Variants in CEP85 observed in about 807,000 individuals in gnomAD.
CEP85 encodes the protein centrosomal protein 85.
Under a neutral mutation model 93.7 loss-of-function variants are expected in CEP85, and 58 were observed. The observed-to-expected ratio is 0.62, with a 90% CI of 0.50 to 0.77. CEP85 has a LOEUF of 0.77. Among genes scored for constraint, CEP85 ranks in the 30% least tolerant of loss-of-function variants. The probability of loss-of-function intolerance (pLI) is 0.00; values close to 1 mark genes in which losing one functional copy is unlikely to be tolerated. For synonymous variants in CEP85, 314 were observed against 338.6 expected (o/e 0.93, Z 0.80); for missense variants, 868 against 922.0 (o/e 0.94, Z 0.76).
At position 26,255,791 on chromosome 1, in the gene CEP85, C is replaced by A. The variant is rs781186845; in HGVS notation, c.829C>A (p.Arg277=). 1 of 1,613,988 alleles carries A rather than the reference C, an allele frequency of 6.2e-7. No homozygotes were observed. Among genetic ancestry groups the A allele is most frequent in the African/African-American group, 1.3e-5 (1 of 74,904 alleles). ...WQPSPDTWHP[R]EQSCELSTCR... ...GCCGAGTCCTGACACTTGGCATCCCCGAGAGCAATCTTGTGAACTCAGCAC... is the reference window on the plus strand; with the variant it reads ...GCCGAGTCCTGACACTTGGCATCCCAGAGAGCAATCTTGTGAACTCAGCAC... The change falls in exon 4 of 14, where the codon CGA becomes AGA. Residue 277 remains arginine, a synonymous_variant. Transcript: ENST00000451429.
rs180781557 is a variant in CEP85 at position 26,257,680 on chromosome 1, C to T, written c.987C>T (p.Ile329=). ...PILEPAQWIS[I]LNSNEHLLKE... ...TAGAGCCAGCACAGTGGATCAGCAT[C>T]TTGAACAGTAATGAACACCTTCTGA... Residue 329 remains isoleucine (I), a synonymous_variant, in exon 5 of 14, where the codon ATC becomes ATT. Coordinates refer to ENST00000451429, the MANE Select transcript of CEP85 (RefSeq NM_001319944.2). 14 of 1,614,180 alleles carry T rather than the reference C, an allele frequency of 8.7e-6. No individual in the cohort carries two copies. In the African/African-American group the frequency reaches 1.1e-4, roughly 12 times the overall value.
chr1:26,255,846 T>C lies in CEP85; in HGVS notation c.884T>C (p.Leu295Ser), dbSNP rs1355814678. ...TCRQQLELIR[L>S]QMEQMQLQNG... ...CGGCAGCAGCTGGAATTGATTCGTT[T>C]ACAGATGGAGCAAATGCAGGTAGAG... The change falls in exon 4 of 14, where the codon TTA (leucine) becomes TCA (serine). Residue 295 changes from leucine (L) to serine (S), a missense_variant. Physicochemically the swap from Leu to Ser is moderately radical, Grantham distance 145. Coordinates refer to ENST00000451429, the MANE Select transcript of CEP85 (RefSeq NM_001319944.2). 7 of 1,609,938 alleles carry C rather than the reference T, an allele frequency of 4.3e-6. No individual in the cohort carries two copies. Among genetic ancestry groups the C allele is most frequent in the Non-Finnish European group, 5.9e-6 (7 of 1,176,980 alleles).
chr1:26,239,335 T>A (rs2089382409), intron 1 of CEP85, among the ~76,000 whole-genome samples: 1 of 152,170 alleles, frequency 6.6e-6, no homozygotes, highest in Non-Finnish European at 1.5e-5. Flanking sequence ...GAATATAACA[T>A]TTAGAATACT....
intron 7 of CEP85, 50 bp downstream of exon 7, chr1:26,259,852 C>A (rs2089779698): frequency 1.3e-6 from 2 of 1,484,464 alleles, no homozygotes; most frequent in Non-Finnish European, 1.8e-6. Context: ...TGGCAGTCAG[C>A]TGTCTACTCT....
At position 26,276,803 on chromosome 1, in the gene CEP85, T is replaced by C. The variant is rs199847146; in HGVS notation, c.2128+43T>C. On this transcript the variant is annotated intron_variant, in intron 13 of 13. Transcript: ENST00000451429. Reference sequence around the variant, plus strand: ...TCTGGGGCCCAGGAAGGAGGGTCCTTCTTTCTCTTCTCTCCCCCATCCTGC... The same window carrying C: ...TCTGGGGCCCAGGAAGGAGGGTCCTCCTTTCTCTTCTCTCCCCCATCCTGC... 5.1e-6 allele frequency: 7 copies of C among 1,359,982 alleles called. No individual in the cohort carries two copies. In the Admixed American group the frequency reaches 7.5e-5, roughly 15 times the overall value. 84.2% of individuals were successfully genotyped at this position (1,359,982 alleles called of 1,614,324 possible).
intron 3 of CEP85, among the ~76,000 whole-genome samples, chr1:26,251,078 G>A (rs2089605910): frequency 6.6e-6 from 1 of 150,712 alleles, no homozygotes. Flanking sequence ...GAGTAGCTGG[G>A]ATTACAGGCA....
chr1:26,237,705 C>A (rs2089347916), intron 1 of CEP85, among the ~76,000 whole-genome samples: 1 of 152,112 alleles, frequency 6.6e-6, no homozygotes, highest in African/African-American at 2.4e-5. Context: ...TGGGTGTATA[C>A]TTCAGTGTGG....
At chr1:26,248,985 C>A in intron 3 of CEP85, among the ~76,000 whole-genome samples, 1 of 152,182 alleles carries the variant, frequency 6.6e-6, no homozygotes, top group East Asian at 1.9e-4. Context: ...CTCGGCTTCT[C>A]AAAGTGCTGG....
intron 7 of CEP85, among the ~76,000 whole-genome samples, chr1:26,262,002 C>G (rs748065542): frequency 9.2e-5 from 14 of 151,892 alleles, no homozygotes; most frequent in Non-Finnish European, 1.9e-4. Flanking sequence ...GAAACCCTCT[C>G]TGTACTAAAA....
At chr1:26,237,641 T>C (rs2089346931) in intron 1 of CEP85, among the ~76,000 whole-genome samples, 1 of 152,254 alleles carries the variant, frequency 6.6e-6, no homozygotes, top group Admixed American at 6.5e-5. Context: ...TAAATAATGC[T>C]GCTACGAACA....
intron 3 of CEP85, 88 bp downstream of exon 3, chr1:26,244,406 A>G: frequency 2.5e-6 from 3 of 1,189,900 alleles, no homozygotes; most frequent in Non-Finnish European, 3.7e-6. Context: ...AGATTGTGTT[A>G]TTTCCAGAAT....
chr1:26,238,439 G>A (rs1162170417), intron 1 of CEP85, among the ~76,000 whole-genome samples: 1 of 151,590 alleles, frequency 6.6e-6, no homozygotes, highest in African/African-American at 2.4e-5. Context: ...CAGGTGATCC[G>A]CCTGCCTCGG....
intron 10 of CEP85, 44 bp from the exon 11 acceptor site, chr1:26,271,977 T>C: frequency 6.2e-7 from 1 of 1,601,962 alleles, no homozygotes; most frequent in Non-Finnish European, 8.5e-7. Context: ...GTCCTCACCG[T>C]CAGCCTTGTG....
chr1:26,268,809 G>T (rs1349439275), intron 8 of CEP85, among the ~76,000 whole-genome samples, 174 bp downstream of exon 8: 1 of 152,136 alleles, frequency 6.6e-6, no homozygotes, highest in Non-Finnish European at 1.5e-5. Flanking sequence ...ATTTTTTGAG[G>T]TACCCAGACA....
chr1:26,255,003 G>C (rs1374054305), intron 3 of CEP85, among the ~76,000 whole-genome samples, 168 bp from the exon 4 acceptor site: 2 of 152,094 alleles, frequency 1.3e-5, no homozygotes, highest in Admixed American at 6.6e-5. Flanking sequence ...TGAGATCCTG[G>C]AACATACATC....
rs749295994 is a variant in CEP85 at position 26,276,706 on chromosome 1, A to G, written c.2074A>G (p.Thr692Ala). ...TCTGCAGGCTGTCTGTAGCATTGTGACCCAGAGGGCCCAGGGCCATGACCC... is the reference window on the plus strand; with the variant it reads ...TCTGCAGGCTGTCTGTAGCATTGTGGCCCAGAGGGCCCAGGGCCATGACCC... ...QDLQAVCSIV[T>A]QRAQGHDPNL... The change falls in exon 13 of 14, where the codon ACC becomes GCC. Residue 692 changes from threonine (T) to alanine (A), a missense_variant. Thr to Ala is a moderately conservative substitution (Grantham distance 58, BLOSUM62 0). Coordinates refer to ENST00000451429, the MANE Select transcript of CEP85 (RefSeq NM_001319944.2). The G allele has an allele frequency of 1.4e-5, 23 of 1,613,936 alleles. No individual in the cohort carries two copies. The Admixed American group carries it at 2.8e-4, about 20-fold the overall frequency.
chr1:26,241,643 A>G (rs938746407), intron 2 of CEP85, among the ~76,000 whole-genome samples: 5 of 152,200 alleles, frequency 3.3e-5, no homozygotes, highest in East Asian at 1.9e-4. Context: ...TTTTGGAACA[A>G]TGCCTTTCCT....
Position 26,269,551 on chromosome 1 carries a change from A to T in CEP85, c.1586A>T (p.Glu529Val), listed in dbSNP as rs2089941736. The T allele has an allele frequency of 6.2e-7, 1 of 1,613,946 alleles. No homozygotes were observed. Among genetic ancestry groups the T allele is most frequent in the Non-Finnish European group, 8.5e-7 (1 of 1,179,972 alleles). The change falls in exon 9 of 14, where the codon GAG becomes GTG. Residue 529 changes from glutamate (E) to valine (V), a missense_variant. Glu to Val is a moderately radical substitution (Grantham distance 121). Coordinates refer to ENST00000451429, the MANE Select transcript of CEP85 (RefSeq NM_001319944.2). Reference sequence around the variant, plus strand: ...GAGGAGACCCAGGCAATCTGCAGAGAGAAGGAGATTCAACTGGAAAGCCTG... The same window carrying T: ...GAGGAGACCCAGGCAATCTGCAGAGTGAAGGAGATTCAACTGGAAAGCCTG... Reference protein sequence around the residue: ...LLEETQAICREKEIQLESLRQ... With the variant: ...LLEETQAICRVKEIQLESLRQ...
In CEP85 at chr1:26,252,389, G is replaced by A. The variant is rs748927448; in HGVS notation, c.209-2782G>A. On this transcript the variant is annotated intron_variant, in intron 3 of 13. Transcript: ENST00000451429. ...CTCTACTAAAAATACAAAATTAGCCGGGCGTGGTGGAGCATGCCTTTAATC... is the reference window on the plus strand; with the variant it reads ...CTCTACTAAAAATACAAAATTAGCCAGGCGTGGTGGAGCATGCCTTTAATC... Among the ~76,000 whole-genome samples, 9 of 150,686 alleles carry A rather than the reference G, an allele frequency of 6.0e-5. No homozygotes were observed. In the South Asian group the frequency reaches 6.3e-4, roughly 11 times the overall value.
Sources: gnomAD v4.1 joint callset for allele counts (sites outside exome capture counted in the v4.1 genomes callset) on GRCh38, gnomAD v4.1.1 for gene constraint, MANE v1.5 for transcripts, NCBI Gene and HGNC (gene_info 2026-07-23, HGNC 2026-07-21) for gene names.